Variants in SHISA5 observed in about 807,000 individuals in gnomAD.
SHISA5 encodes the protein shisa family member 5.
A neutral mutation model predicts 27.5 loss-of-function variants in SHISA5; 21 were observed. The observed-to-expected ratio is 0.76, with a 90% CI of 0.54 to 1.10. The LOEUF (loss-of-function observed/expected upper bound fraction) is 1.10, where lower values mean the gene tolerates loss of function less well. Among genes scored for constraint, SHISA5 ranks in the 50% least tolerant of loss-of-function variants. SHISA5 has a pLI of 0.00. For missense variants in SHISA5, 314 were observed against 336.3 expected (o/e 0.93, Z 0.52); for synonymous variants, 137 against 142.2 (o/e 0.96, Z 0.26).
rs58732653 is a variant in SHISA5 at position 48,481,441 on chromosome 3, A to AAAAATAAAATAAAATAAAAT, written c.234-2204_234-2185dup. On this transcript the variant is annotated intron_variant, in intron 2 of 5. Coordinates refer to ENST00000296444, the MANE Select transcript of SHISA5 (RefSeq NM_016479.6). ...GCAATGGACCGAGACTCTGTCTCAA[A>AAAAATAAAATAAAATAAAAT]AAAATAAAATAAAATAAAATAAAAT... 3.9e-3 allele frequency among the ~76,000 whole-genome samples: 563 copies of AAAAATAAAATAAAATAAAAT among 144,224 alleles called. 21 individuals carry two copies. The highest frequency in any genetic ancestry group is 0.014 in the African/African-American group (492 of 35,856). The allele number at this position is 144,224 out of a possible 152,430, so 94.6% of individuals were successfully genotyped here. A position where few individuals can be genotyped will look rare whatever the true frequency, so the allele number is the denominator to read the frequency against.
intron 2 of SHISA5, among the ~76,000 whole-genome samples, chr3:48,496,281 G>A (rs1490360641): frequency 5.4e-5 from 7 of 129,176 alleles, no homozygotes; most frequent in African/African-American, 8.8e-5. Flanking sequence ...AACAGAGTGC[G>A]ACTCCGTCAA....
chr3:48,476,793 C>T (rs536139593), intron 3 of SHISA5: 66 of 228,066 alleles, frequency 2.9e-4, no homozygotes, highest in Non-Finnish European at 5.2e-4. Context: ...ACATGAGGCG[C>T]GGGAGGGGGA....
At chr3:48,486,075 C>T (rs2041209482) in intron 2 of SHISA5, among the ~76,000 whole-genome samples, 1 of 148,378 alleles carries the variant, frequency 6.7e-6, no homozygotes, top group Non-Finnish European at 1.5e-5. Flanking sequence ...CCAGAAGCAA[C>T]CTAAATCCTC....
At position 48,469,243 on chromosome 3, in the gene SHISA5, G is replaced by T. The variant is rs1203347810; in HGVS notation, c.644-57C>A. On this transcript the variant is annotated intron_variant, in intron 5 of 5. Transcript: ENST00000296444. The surrounding 1 kb of genome is among the most constrained non-coding windows in gnomAD (Gnocchi z 4.6). ...AGCATGGTGGGCTGCCGTGTGAGTG[G>T]CAGGCAAGCAGAAAGGGGCAGAGGC... The T allele has an allele frequency of 1.0e-5, 16 of 1,592,288 alleles. No homozygotes were observed. Among genetic ancestry groups the T allele is most frequent in the Non-Finnish European group, 1.4e-5 (16 of 1,170,218 alleles).
chr3:48,488,439 G>C (rs1056136915), intron 2 of SHISA5, among the ~76,000 whole-genome samples: 3 of 150,954 alleles, frequency 2.0e-5, no homozygotes, highest in African/African-American at 7.3e-5. Context: ...ATGTTAGCCA[G>C]GATGGTCTTG....
Position 48,473,342 on chromosome 3 carries a change from C to T in SHISA5, c.315-3499G>A, listed in dbSNP as rs1186748683. On this transcript the variant is annotated intron_variant, in intron 3 of 5. Transcript: ENST00000296444. This position sits in a 1 kb window ranked among gnomAD's most constrained non-coding sequence, Gnocchi z 4.3. ...GCCTGACCTCAGAATGCAGCCTGGC[C>T]ACTAGGGGGTCTAAGAGCCACCCCA... 7.2e-7 allele frequency: 1 copy of T among 1,379,684 alleles called. No individual in the cohort carries two copies. Among genetic ancestry groups the T allele is most frequent in the Non-Finnish European group, 9.5e-7 (1 of 1,048,632 alleles). The allele number at this position is 1,379,684 out of a possible 1,614,324, so 85.5% of individuals were successfully genotyped here.
chr3:48,473,259 G>A lies in SHISA5; in HGVS notation c.315-3416C>T, dbSNP rs2040708947. On this transcript the variant is annotated intron_variant, in intron 3 of 5. Transcript: ENST00000296444. This position sits in a 1 kb window ranked among gnomAD's most constrained non-coding sequence, Gnocchi z 4.3. ...CAAGGGGCGGGGGCCGGGGAGGAGG[G>A]GAAGCAGAGGTGCCCCATTTGCCTC... The A allele has an allele frequency of 7.1e-7, 1 of 1,415,354 alleles. No homozygotes were observed. Among genetic ancestry groups the A allele is most frequent in the African/African-American group, 1.4e-5 (1 of 69,352 alleles). 87.7% of individuals were successfully genotyped at this position (1,415,354 alleles called of 1,614,324 possible). A position where few individuals can be genotyped will look rare whatever the true frequency, so the allele number is the denominator to read the frequency against.
chr3:48,502,325 C>A (rs1257371826), intron 1 of SHISA5: 2 of 454,638 alleles, frequency 4.4e-6, no homozygotes, highest in Non-Finnish European at 8.9e-6. Context: ...ACCCACCATA[C>A]CAGCGTTCAT....
upstream of SHISA5, chr3:48,504,175 C>A: frequency 1.6e-6 from 1 of 612,356 alleles, no homozygotes; most frequent in South Asian, 6.2e-5. This position sits in a 1 kb window ranked among gnomAD's most constrained non-coding sequence, Gnocchi z 4.0. Context: ...GCGGCCGCCC[C>A]TCTCCCTCGC....
At chr3:48,474,626 C>G (rs1208564210) in intron 3 of SHISA5, among the ~76,000 whole-genome samples, 1 of 151,996 alleles carries the variant, frequency 6.6e-6, no homozygotes, top group East Asian at 1.9e-4. Flanking sequence ...CCTGAGCCAC[C>G]GTGCCTGGCC....
At chr3:48,479,943 G>A (rs1308327171) in intron 2 of SHISA5, among the ~76,000 whole-genome samples, 1 of 132,456 alleles carries the variant, frequency 7.5e-6, no homozygotes, top group Non-Finnish European at 1.6e-5. Context: ...TTGCTCTCTC[G>A]CCCAGGCTGG....
chr3:48,488,922 T>A (rs2107355429), intron 2 of SHISA5, among the ~76,000 whole-genome samples: 1 of 152,110 alleles, frequency 6.6e-6, no homozygotes, highest in Non-Finnish European at 1.5e-5. Context: ...ATTCTCAGCC[T>A]ATCCATACTG....
At position 48,479,177 on chromosome 3, in the gene SHISA5, C is replaced by T. The variant is rs1036127670; in HGVS notation, c.314G>A (p.Gly105Glu). 5 of 1,607,420 alleles carry T rather than the reference C, an allele frequency of 3.1e-6. No homozygotes were observed. In the African/African-American group the frequency reaches 5.3e-5, roughly 17 times the overall value. The change falls in exon 3 of 6, where the codon GGG (glycine) becomes GAG (glutamate). Residue 105 changes from glycine to glutamate, a missense_variant and splice_region_variant. Transcript: ENST00000296444. ...FRPGYNDPMS[G>E]FGATLAVGLT... The stretch of plus-strand genomic sequence containing the variant: ...CACCCAGCCAGCAGGCTTTACTTAC[C>T]CTGACATGGGGTCGTTGTAGCCAGG...
intron 3 of SHISA5, among the ~76,000 whole-genome samples, chr3:48,471,787 A>G (rs1158650104): frequency 6.6e-6 from 1 of 151,880 alleles, no homozygotes; most frequent in Non-Finnish European, 1.5e-5. Flanking sequence ...CTAAGGCAGG[A>G]GAATCTCTTG....
chr3:48,497,262 G>GTTTTTT (rs771239815), intron 2 of SHISA5, among the ~76,000 whole-genome samples: 4 of 116,570 alleles, frequency 3.4e-5, no homozygotes, highest in African/African-American at 1.1e-4. Flanking sequence ...TCCAGAACAA[G>GTTTTTT]TTTTTTTTTT....
At chr3:48,488,821 G>A (rs1272416414) in intron 2 of SHISA5, among the ~76,000 whole-genome samples, 76 of 115,580 alleles carry the variant, frequency 6.6e-4, no homozygotes, top group African/African-American at 2.3e-3. Flanking sequence ...CAACAAGAGC[G>A]AAACTCCGTC....
At position 48,470,692 on chromosome 3, in the gene SHISA5, C is replaced by A. The variant is rs2040576357; in HGVS notation, c.315-849G>T. ...CTGCAATCTCAGCACTTTGGGAGGC[C>A]GAGGAGGGCGGATCACCTGAGGTGA... On this transcript the variant is annotated intron_variant, in intron 3 of 5. Coordinates refer to ENST00000296444, the MANE Select transcript of SHISA5 (RefSeq NM_016479.6). The surrounding 1 kb of genome is among the most constrained non-coding windows in gnomAD (Gnocchi z 4.3). 6.6e-6 allele frequency among the ~76,000 whole-genome samples: 1 copy of A among 152,234 alleles called. No homozygotes were observed. The highest frequency in any genetic ancestry group is 2.1e-4 in the South Asian group (1 of 4,820).
intron 2 of SHISA5, among the ~76,000 whole-genome samples, chr3:48,483,691 G>A (rs1340472158): frequency 1.5e-4 from 22 of 151,486 alleles, no homozygotes; most frequent in South Asian, 6.2e-4. Flanking sequence ...CTCACCTCCC[G>A]GACGGGGCGG....
chr3:48,501,638 G>A (rs1209312535), intron 1 of SHISA5, among the ~76,000 whole-genome samples: 5 of 152,250 alleles, frequency 3.3e-5, no homozygotes, highest in African/African-American at 1.2e-4. Flanking sequence ...CAAGGCCCGA[G>A]TTTCCAAGCA....
Sources: allele counts gnomAD v4.1 joint callset (sites outside exome capture counted in the v4.1 genomes callset), GRCh38; gene constraint gnomAD v4.1.1; non-coding constraint Gnocchi (gnomAD v3.1); transcripts MANE v1.5; gene names NCBI Gene and HGNC (gene_info 2026-07-23, HGNC 2026-07-21).